Variants in TRABD2A observed in about 807,000 individuals in gnomAD.
TRABD2A encodes the protein TraB domain containing 2A.
Under a neutral mutation model 45.6 loss-of-function variants are expected in TRABD2A, and 43 were observed. That is an observed-to-expected ratio of 0.94 (90% CI 0.74 to 1.22). The LOEUF (loss-of-function observed/expected upper bound fraction) is 1.22, where lower values mean the gene tolerates loss of function less well. Among genes scored for constraint, TRABD2A ranks in the 50% most tolerant of loss-of-function variants. The pLI is 0.00. For missense variants in TRABD2A, 642 were observed against 652.4 expected, an observed-to-expected ratio of 0.98 and a Z score of 0.17; for synonymous variants, 269 against 265.0, an observed-to-expected ratio of 1.02 and a Z score of -0.15.
chr2:84,846,913 G>A (rs1285971548), intron 2 of TRABD2A, among the ~76,000 whole-genome samples: 1 of 152,226 alleles, frequency 6.6e-6, no homozygotes, highest in East Asian at 1.9e-4. Context: ...AACCAGGGAG[G>A]CAGGTCACTG....
chr2:84,880,941 G>A lies in TRABD2A; in HGVS notation c.99C>T (p.Leu33=). The part of the protein sequence containing the change: ...RGAPGTANCE[L]KPQQSELNSF... ...CCGACGCGCGCCTTACTTGGGGCTT[G>A]AGCTCGCAGTTGGCGGTGCCGGGCG... is the stretch of plus-strand genomic sequence containing the variant. Residue 33 remains leucine, a synonymous_variant, in exon 1 of 7, where the codon CTC becomes CTT. Transcript: ENST00000409520. The A allele has an allele frequency of 6.3e-7, 1 of 1,594,866 alleles. No homozygotes were observed. The highest frequency in any genetic ancestry group is 8.5e-7 in the Non-Finnish European group (1 of 1,171,488).
At chr2:84,867,178 C>T (rs1020937980) in intron 2 of TRABD2A, among the ~76,000 whole-genome samples, 4 of 152,074 alleles carry the variant, frequency 2.6e-5, no homozygotes, top group Non-Finnish European at 4.4e-5. Context: ...AAGAACAAGT[C>T]GTTTTCCTCC....
intron 2 of TRABD2A, chr2:84,844,055 C>A (rs1283432967): frequency 6.6e-6 from 1 of 152,242 alleles, no homozygotes; most frequent in African/African-American, 2.4e-5. Context: ...AGGTTCTGCA[C>A]AATAGCCTCT....
chr2:84,866,192 G>T (rs1293109633), intron 2 of TRABD2A, among the ~76,000 whole-genome samples: 1 of 152,210 alleles, frequency 6.6e-6, no homozygotes, highest in African/African-American at 2.4e-5. Context: ...TAACAGGGAG[G>T]AGTGGGGACT....
chr2:84,835,207 G>A (rs1681462543), intron 4 of TRABD2A: 1 of 149,866 alleles, frequency 6.7e-6, no homozygotes, highest in Non-Finnish European at 1.5e-5. Context: ...GAAAGCACAA[G>A]ACAAAAAATA....
intron 1 of TRABD2A, among the ~76,000 whole-genome samples, chr2:84,872,692 T>C (rs186567158): frequency 1.7e-4 from 26 of 152,378 alleles, no homozygotes; most frequent in Admixed American, 1.6e-3. Flanking sequence ...TTATATTTTA[T>C]AAAGTTGCCA....
chr2:84,834,082 G>T (rs1336812214), intron 4 of TRABD2A: 1 of 152,202 alleles, frequency 6.6e-6, no homozygotes, highest in African/African-American at 2.4e-5. Flanking sequence ...CCACACTCCA[G>T]CACCTGGGCA....
intron 1 of TRABD2A, among the ~76,000 whole-genome samples, chr2:84,880,534 G>C (rs1683165552): frequency 1.3e-5 from 2 of 152,236 alleles, no homozygotes; most frequent in South Asian, 4.1e-4. Context: ...ATTTTGATAA[G>C]AGCAGGTGAA....
In TRABD2A at chr2:84,881,010, C is replaced by G; in HGVS notation, c.30G>C (p.Gln10His). 6.2e-7 allele frequency: 1 copy of G among 1,605,708 alleles called. No homozygotes were observed. The highest frequency in any genetic ancestry group is 8.5e-7 in the Non-Finnish European group (1 of 1,176,874). Reference protein sequence around the residue: MSPWSWFLLQTLCLLPTGAA... With the variant: MSPWSWFLLHTLCLLPTGAA... ...CGCCCGTGGGCAGGAGGCAGAGGGT[C>G]TGCAGCAGGAACCAGCTCCAGGGAC... Residue 10 changes from glutamine (Q) to histidine (H), a missense_variant, in exon 1 of 7, where the codon CAG becomes CAC. Physicochemically the swap from Gln to His is conservative, Grantham distance 24. Coordinates refer to ENST00000409520, the MANE Select transcript of TRABD2A (RefSeq NM_001277053.2).
intron 2 of TRABD2A, among the ~76,000 whole-genome samples, chr2:84,866,365 G>T (rs1170192290): frequency 1.3e-5 from 2 of 151,772 alleles, no homozygotes; most frequent in Non-Finnish European, 2.9e-5. Flanking sequence ...CATTAAAAAA[G>T]AAAAAAAATC....
chr2:84,822,007 C>G lies in TRABD2A; in HGVS notation c.1428G>C (p.Gln476His). 6.3e-7 allele frequency: 1 copy of G among 1,598,392 alleles called. No individual in the cohort carries two copies. The highest frequency in any genetic ancestry group is 8.5e-7 in the Non-Finnish European group (1 of 1,172,730). The change falls in exon 7 of 7, where the codon CAG becomes CAC. Residue 476 changes from glutamine to histidine, a missense_variant. Gln to His is a conservative substitution (Grantham distance 24, BLOSUM62 0). Transcript: ENST00000409520. ...ACAGGCAGGCACTGCTGGCCACCAT[C>G]TGGCTGTGGTGGGAATGCCCACGGC... is the stretch of plus-strand genomic sequence containing the variant. ...LPRRGHSHHS[Q>H]MVASSACLSL...
chr2:84,832,246 CCCTG>C, intron 4 of TRABD2A, 101 bp from the exon 5 acceptor site: 1 of 1,192,598 alleles, frequency 8.4e-7, no homozygotes, highest in Non-Finnish European at 1.2e-6. Context: ...CTGCCAAGCC[CCCTG>C]CCTATCTGTC....
chr2:84,843,533 C>G (rs1431734397), intron 2 of TRABD2A: 1 of 152,224 alleles, frequency 6.6e-6, no homozygotes, highest in Non-Finnish European at 1.5e-5. Flanking sequence ...ATGCCTGAGA[C>G]TGGGTAATTT....
chr2:84,866,682 CTTTTTTTT>C (rs111567421), intron 2 of TRABD2A, among the ~76,000 whole-genome samples: 20,821 of 139,452 alleles, frequency 0.15, 1,852 homozygotes, highest in African/African-American at 0.27. Context: ...CAATTTCCTG[CTTTTTTTT>C]TTTTTTTTGC....
Position 84,871,252 on chromosome 2 carries a change from C to A in TRABD2A, c.109-467G>T, listed in dbSNP as rs1177229266. Among the ~76,000 whole-genome samples the A allele has an allele frequency of 2.0e-5, 3 of 152,300 alleles. No individual in the cohort carries two copies. The East Asian group carries it at 5.8e-4, about 29-fold the overall frequency. On this transcript the variant is annotated intron_variant, in intron 1 of 6. Coordinates refer to ENST00000409520, the MANE Select transcript of TRABD2A (RefSeq NM_001277053.2). ...GAGTTAAAGAAGTGAGTCTCAGGGG[C>A]CTCCAAGGATATACCTGATACCATC...
At chr2:84,829,313 G>A (rs1681240527) in intron 5 of TRABD2A, among the ~76,000 whole-genome samples, 1 of 151,110 alleles carries the variant, frequency 6.6e-6, no homozygotes, top group Non-Finnish European at 1.5e-5. Context: ...TTTCCCCAAG[G>A]GCAGGTGTCA....
chr2:84,844,474 G>A (rs1374977669), intron 2 of TRABD2A, among the ~76,000 whole-genome samples: 1 of 152,160 alleles, frequency 6.6e-6, no homozygotes, highest in Non-Finnish European at 1.5e-5. Context: ...AGATTACCCA[G>A]TCTTGGGTAT....
chr2:84,861,575 G>A (rs1278206406), intron 2 of TRABD2A, among the ~76,000 whole-genome samples: 1 of 152,228 alleles, frequency 6.6e-6, no homozygotes, highest in Non-Finnish European at 1.5e-5. Flanking sequence ...TGAAGCTTCA[G>A]TACCCATCTG....
chr2:84,844,246 C>T (rs1272994026), intron 2 of TRABD2A, among the ~76,000 whole-genome samples: 1 of 152,170 alleles, frequency 6.6e-6, no homozygotes, highest in Non-Finnish European at 1.5e-5. Context: ...GAGAGGGACC[C>T]AGTGGGAGGT....
Sources: allele counts gnomAD v4.1 joint callset (sites outside exome capture counted in the v4.1 genomes callset), GRCh38; gene constraint gnomAD v4.1.1; transcripts MANE v1.5; gene names NCBI Gene and HGNC (gene_info 2026-07-23, HGNC 2026-07-21).